LGR5: variants seen among roughly 807,000 people sequenced by gnomAD.
The protein encoded by LGR5 is leucine-rich repeat-containing G protein-coupled receptor 5.
Under a neutral mutation model 76.7 loss-of-function variants are expected in LGR5, and 54 were observed. That is an observed-to-expected ratio of 0.70 (90% CI 0.57 to 0.88). The LOEUF (loss-of-function observed/expected upper bound fraction) is 0.88, where lower values mean the gene tolerates loss of function less well. Among genes scored for constraint, LGR5 ranks in the 40% least tolerant of loss-of-function variants. The probability of loss-of-function intolerance (pLI) is 0.00; values close to 1 mark genes in which losing one functional copy is unlikely to be tolerated. For synonymous variants in LGR5, 406 were observed against 421.9 expected, an observed-to-expected ratio of 0.96 and a Z score of 0.46; for missense variants, 1,078 against 1,073.3, an observed-to-expected ratio of 1.00 and a Z score of -0.06.
intron 1 of LGR5, among the ~76,000 whole-genome samples, chr12:71,464,714 A>T (rs1462920488): frequency 6.6e-6 from 1 of 152,210 alleles, no homozygotes; most frequent in Non-Finnish European, 1.5e-5. Flanking sequence ...TGTTTGAATA[A>T]ATACATTCAA....
chr12:71,489,225 G>A lies in LGR5; in HGVS notation c.213-15389G>A, dbSNP rs573199904. ...CACACAATGGTTATAAAACATTTTT[G>A]TTGTTTTAGAATAACCATCCCACCA... On this transcript the variant is annotated intron_variant, in intron 1 of 17. Coordinates refer to ENST00000266674, the MANE Select transcript of LGR5 (RefSeq NM_003667.4). 2.0e-5 allele frequency among the ~76,000 whole-genome samples: 3 copies of A among 152,190 alleles called. No individual in the cohort carries two copies. The South Asian group carries it at 6.2e-4, about 32-fold the overall frequency.
Position 71,470,746 on chromosome 12 carries a change from T to C in LGR5, c.212+30454T>C, listed in dbSNP as rs539518414. 7.5e-4 allele frequency among the ~76,000 whole-genome samples: 115 copies of C among 152,332 alleles called. No homozygotes were observed. The Middle Eastern group carries it at 0.01, about 14-fold the overall frequency. On this transcript the variant is annotated intron_variant, in intron 1 of 17. Coordinates refer to ENST00000266674, the MANE Select transcript of LGR5 (RefSeq NM_003667.4). Reference sequence around the variant, plus strand: ...AGGCTCAACTTTCTGCACTGCCTCATGGACACCTTACAACAAACCATCTCT... The same window carrying C: ...AGGCTCAACTTTCTGCACTGCCTCACGGACACCTTACAACAAACCATCTCT...
intron 1 of LGR5, among the ~76,000 whole-genome samples, chr12:71,498,982 T>C (rs1441849132): frequency 2.0e-5 from 3 of 152,174 alleles, no homozygotes; most frequent in Non-Finnish European, 4.4e-5. Context: ...AAGCACAGAA[T>C]TGGGCACTGG....
At chr12:71,579,163 T>C (rs938689837) in intron 15 of LGR5, among the ~76,000 whole-genome samples, 7 of 152,154 alleles carry the variant, frequency 4.6e-5, no homozygotes, top group Admixed American at 2.0e-4. Context: ...ATAGAGTTCA[T>C]AGGAGGAGTT....
chr12:71,520,739 G>A (rs915624651), intron 2 of LGR5, among the ~76,000 whole-genome samples: 1 of 151,978 alleles, frequency 6.6e-6, no homozygotes, highest in Admixed American at 6.6e-5. Context: ...CGGGGGGAGG[G>A]ATAGCATTAG....
intron 1 of LGR5, chr12:71,448,801 G>A (rs1018266068): frequency 1.3e-5 from 2 of 152,210 alleles, no homozygotes; most frequent in Non-Finnish European, 2.9e-5. Context: ...TCTACAAAGT[G>A]AATTTGGAGT....
At chr12:71,473,986 T>C (rs1873212098) in intron 1 of LGR5, among the ~76,000 whole-genome samples, 1 of 152,178 alleles carries the variant, frequency 6.6e-6, no homozygotes, top group African/African-American at 2.4e-5. Flanking sequence ...GTGTCGAATA[T>C]TACTGTACAA....
intron 4 of LGR5, among the ~76,000 whole-genome samples, chr12:71,547,460 G>A (rs2137397031): frequency 6.6e-6 from 1 of 152,126 alleles, no homozygotes; most frequent in Middle Eastern, 3.4e-3. Flanking sequence ...ATTTTTAAAG[G>A]GAAAAATATG....
At chr12:71,575,755 T>TGTGTGG (rs1002909313) in intron 13 of LGR5, among the ~76,000 whole-genome samples, 126 of 151,692 alleles carry the variant, frequency 8.3e-4, no homozygotes, top group African/African-American at 2.9e-3. Context: ...TGTGTGTGTG[T>TGTGTGG]GTGTATCATT....
chr12:71,511,262 C>T (rs1395578308), intron 2 of LGR5, among the ~76,000 whole-genome samples: 1 of 152,120 alleles, frequency 6.6e-6, no homozygotes, highest in African/African-American at 2.4e-5. Context: ...CAATGGTTCT[C>T]AATATATTGT....
chr12:71,582,359 TTCA>T (rs1472887486), intron 16 of LGR5, 94 bp from the exon 17 acceptor site: 1 of 960,872 alleles, frequency 1.0e-6, no homozygotes, highest in Non-Finnish European at 1.6e-6. Context: ...TTTGTGACAG[TTCA>T]TGTCTCCAGA....
chr12:71,535,192 T>C lies in LGR5; in HGVS notation c.428+6T>C. On this transcript the variant is annotated splice_donor_region_variant and intron_variant, in intron 4 of 17. Transcript: ENST00000266674. ...TTGCGAAGCCTTCAATCCCTGTAAGTATAGTAGACATTGCAAAATATATTT... is the reference window on the plus strand; with the variant it reads ...TTGCGAAGCCTTCAATCCCTGTAAGCATAGTAGACATTGCAAAATATATTT... 6.4e-7 allele frequency: 1 copy of C among 1,572,028 alleles called. No homozygotes were observed. Among genetic ancestry groups the C allele is most frequent in the Non-Finnish European group, 8.7e-7 (1 of 1,143,012 alleles).
intron 2 of LGR5, among the ~76,000 whole-genome samples, chr12:71,521,138 A>G (rs1875707959): frequency 6.6e-6 from 1 of 152,358 alleles, no homozygotes; most frequent in South Asian, 2.1e-4. Flanking sequence ...GGAAGACGAA[A>G]GGGAAATAAA....
At position 71,584,416 on chromosome 12, in the gene LGR5, G is replaced by A. The variant is rs764206551; in HGVS notation, c.2406G>A (p.Lys802=). ...CATTTATCAGTCCTGAAGTAATTAA[G>A]TTTATCCTTCTGGTGGTAGTCCCAC... ...NLTFISPEVI[K]FILLVVVPLP... The change falls in exon 18 of 18, where the codon AAG becomes AAA. Residue 802 remains lysine (K), a synonymous_variant. Coordinates refer to ENST00000266674, the MANE Select transcript of LGR5 (RefSeq NM_003667.4). 1.1e-5 allele frequency: 18 copies of A among 1,613,888 alleles called. No individual in the cohort carries two copies. Among genetic ancestry groups the A allele is most frequent in the Non-Finnish European group, 1.4e-5 (17 of 1,179,922 alleles).
intron 2 of LGR5, among the ~76,000 whole-genome samples, chr12:71,523,874 T>A (rs563223804): frequency 1.3e-5 from 2 of 152,332 alleles, no homozygotes; most frequent in Admixed American, 1.3e-4. Context: ...CTCTATTAAA[T>A]CATGTTAAAT....
intron 4 of LGR5, 56 bp from the exon 5 acceptor site, chr12:71,553,017 T>C: frequency 6.5e-7 from 1 of 1,540,136 alleles, no homozygotes; most frequent in African/African-American, 1.4e-5. Context: ...CCTGCAAAGT[T>C]GACCTTCTGC....
chr12:71,440,231 G>A lies in LGR5; in HGVS notation c.151G>A (p.Asp51Asn). The change falls in exon 1 of 18, where the codon GAC becomes AAC. Residue 51 changes from aspartate to asparagine, a missense_variant. Physicochemically the swap from Asp to Asn is conservative, Grantham distance 23. Transcript: ENST00000266674. This position sits in a 1 kb window ranked among gnomAD's most constrained non-coding sequence, Gnocchi z 5.3. ...CGACGGCAGGATGTTGCTCAGGGTG[G>A]ACTGCTCCGACCTGGGGCTCTCGGA... ...EPDGRMLLRV[D>N]CSDLGLSELP... 1 of 1,613,310 alleles carries A rather than the reference G, an allele frequency of 6.2e-7. No homozygotes were observed. Among genetic ancestry groups the A allele is most frequent in the Non-Finnish European group, 8.5e-7 (1 of 1,179,926 alleles).
At position 71,497,429 on chromosome 12, in the gene LGR5, G is replaced by A. The variant is rs1384169889; in HGVS notation, c.213-7185G>A. On this transcript the variant is annotated intron_variant, in intron 1 of 17. Coordinates refer to ENST00000266674, the MANE Select transcript of LGR5 (RefSeq NM_003667.4). ...GGGAGGAAGGAAAATTTATCCGGCC[G>A]GACACAGAATTTATGCATTTTCCTG... 3.3e-5 allele frequency among the ~76,000 whole-genome samples: 5 copies of A among 151,734 alleles called. No homozygotes were observed. The East Asian group carries it at 7.7e-4, about 23-fold the overall frequency.
chr12:71,519,573 T>C (rs1180550719), intron 2 of LGR5, among the ~76,000 whole-genome samples: 2 of 151,534 alleles, frequency 1.3e-5, no homozygotes, highest in Non-Finnish European at 2.9e-5. Context: ...GCTGAGGCGG[T>C]GAATCGCTTG....
Sources: gnomAD v4.1 joint callset for allele counts (sites outside exome capture counted in the v4.1 genomes callset) on GRCh38, gnomAD v4.1.1 for gene constraint, Gnocchi (gnomAD v3.1) non-coding constraint, MANE v1.5 for transcripts, NCBI Gene and HGNC (gene_info 2026-07-23, HGNC 2026-07-21) for gene names.